Variants in PCP4 observed in about 807,000 individuals in gnomAD.
PCP4 encodes Purkinje cell protein 4.
In PCP4, 8 loss-of-function variants were observed where a neutral mutation model predicts 10.0. The observed-to-expected ratio is 0.80, with a 90% CI of 0.47 to 1.45. The LOEUF is 1.45. Ranked by LOEUF, PCP4 falls within the 40% of genes most tolerant of loss-of-function variation. The pLI, the probability that PCP4 is intolerant of heterozygous loss-of-function variation, is 0.00. For synonymous variants in PCP4, 21 were observed against 23.0 expected, an observed-to-expected ratio of 0.91 and a Z score of 0.24; for missense variants, 54 against 74.4, an observed-to-expected ratio of 0.73 and a Z score of 1.01.
chr21:39,908,703 C>T (rs576357039), intron 2 of PCP4, among the ~76,000 whole-genome samples: 2 of 152,086 alleles, frequency 1.3e-5, no homozygotes, highest in African/African-American at 4.8e-5. Context: ...TGGGAGTGCC[C>T]GCGGCTCCAG....
chr21:39,871,735 TG>T (rs949986616), intron 1 of PCP4, among the ~76,000 whole-genome samples: 2 of 152,212 alleles, frequency 1.3e-5, no homozygotes, highest in African/African-American at 2.4e-5. Flanking sequence ...GGCCGATGAT[TG>T]TTAAGAGTTG....
intron 1 of PCP4, among the ~76,000 whole-genome samples, chr21:39,885,084 C>A (rs1346435677): frequency 6.6e-6 from 1 of 152,158 alleles, no homozygotes; most frequent in Non-Finnish European, 1.5e-5. Flanking sequence ...CAAAATGACA[C>A]CAGAGTGACC....
intron 1 of PCP4, among the ~76,000 whole-genome samples, chr21:39,882,329 T>A (rs1233562064): frequency 6.6e-6 from 1 of 152,192 alleles, no homozygotes; most frequent in East Asian, 1.9e-4. Context: ...TCAGGATGGA[T>A]GACTGCTTAG....
At chr21:39,879,701 A>C (rs986862941) in intron 1 of PCP4, among the ~76,000 whole-genome samples, 1 of 152,220 alleles carries the variant, frequency 6.6e-6, no homozygotes, top group Non-Finnish European at 1.5e-5. Context: ...AAGTGAGTCC[A>C]GTTAAAAACA....
chr21:39,879,172 A>G (rs2087359974), intron 1 of PCP4, among the ~76,000 whole-genome samples: 1 of 152,038 alleles, frequency 6.6e-6, no homozygotes. Context: ...TAATTTTAGT[A>G]GAGATGGGGT....
chr21:39,913,573 C>T (rs2087551658), intron 2 of PCP4, among the ~76,000 whole-genome samples: 1 of 152,200 alleles, frequency 6.6e-6, no homozygotes, highest in Non-Finnish European at 1.5e-5. Flanking sequence ...TTCTGCTCTG[C>T]CATTTTCTTG....
Position 39,906,297 on chromosome 21 carries a change from C to G in PCP4, c.61+7770C>G, listed in dbSNP as rs1487427583. Among the ~76,000 whole-genome samples the G allele has an allele frequency of 1.3e-5, 2 of 152,202 alleles. No homozygotes were observed. Among genetic ancestry groups the G allele is most frequent in the Admixed American group, 6.5e-5 (1 of 15,286 alleles). ...ATGGGCAACTTGGATGGGCTGTGGT[C>G]TAAGCCCCTGGAACAGAATAAAGTT... On this transcript the variant is annotated intron_variant, in intron 2 of 2. Coordinates refer to ENST00000328619, the MANE Select transcript of PCP4 (RefSeq NM_006198.3). This position sits in a 1 kb window ranked among gnomAD's most constrained non-coding sequence, Gnocchi z 6.3.
intron 1 of PCP4, among the ~76,000 whole-genome samples, chr21:39,887,153 G>A (rs2087404166): frequency 6.6e-6 from 1 of 152,108 alleles, no homozygotes; most frequent in South Asian, 2.1e-4. Flanking sequence ...TGCCTAAACT[G>A]CAGTGATGCT....
chr21:39,897,286 G>T (rs996820568), intron 1 of PCP4, among the ~76,000 whole-genome samples: 4 of 151,658 alleles, frequency 2.6e-5, no homozygotes, highest in Admixed American at 2.6e-4. Flanking sequence ...TACTCTGTAG[G>T]CTGAGGTAGG....
At chr21:39,916,286 A>G (rs929117397) in intron 2 of PCP4, 2 of 152,192 alleles carry the variant, frequency 1.3e-5, no homozygotes, top group Non-Finnish European at 2.9e-5. Flanking sequence ...ATAAACTAAA[A>G]TCTTGCAATC....
chr21:39,879,709 ACACAT>A (rs1310892633), intron 1 of PCP4, among the ~76,000 whole-genome samples: 3 of 152,144 alleles, frequency 2.0e-5, no homozygotes, highest in Non-Finnish European at 2.9e-5. Context: ...CCAGTTAAAA[ACACAT>A]CATGGTTCTG....
chr21:39,880,136 ATATC>A (rs1332334940), intron 1 of PCP4, among the ~76,000 whole-genome samples: 4 of 66,162 alleles, frequency 6.0e-5, no homozygotes, highest in East Asian at 3.5e-4. Context: ...ATCTGTATCT[ATATC>A]TATATCTATA....
At chr21:39,916,543 A>G (rs2087569293) in intron 2 of PCP4, among the ~76,000 whole-genome samples, 1 of 152,216 alleles carries the variant, frequency 6.6e-6, no homozygotes, top group South Asian at 2.1e-4. Flanking sequence ...ACCATTGTGG[A>G]AGACAGTGTG....
At chr21:39,899,783 A>C (rs935413822) in intron 2 of PCP4, among the ~76,000 whole-genome samples, 1 of 152,012 alleles carries the variant, frequency 6.6e-6, no homozygotes, top group African/African-American at 2.4e-5. Context: ...GGGTACTGGC[A>C]AGGAAGGCAG....
At chr21:39,884,010 G>A (rs1240525297) in intron 1 of PCP4, among the ~76,000 whole-genome samples, 1 of 152,156 alleles carries the variant, frequency 6.6e-6, no homozygotes. Context: ...GAGAAGTTAA[G>A]TGACCTGAAC....
chr21:39,904,968 A>G (rs2087499398), intron 2 of PCP4, among the ~76,000 whole-genome samples: 1 of 152,256 alleles, frequency 6.6e-6, no homozygotes, highest in African/African-American at 2.4e-5. Context: ...TAACTTTCAC[A>G]GACAGCACTG....
Position 39,898,512 on chromosome 21 carries a change from A to T in PCP4, c.46A>T (p.Thr16Ser). 6.2e-7 allele frequency: 1 copy of T among 1,614,050 alleles called. No homozygotes were observed. Among genetic ancestry groups the T allele is most frequent in the Non-Finnish European group, 8.5e-7 (1 of 1,179,884 alleles). Residue 16 changes from threonine (T) to serine (S), a missense_variant, in exon 2 of 3, where the codon ACA (threonine) becomes TCA (serine). Transcript: ENST00000328619. ...TGGGGCAACCAATGGAAAAGACAAG[A>T]CATCTGGTGAAAATGGTAAGAGGAC... is the stretch of plus-strand genomic sequence containing the variant. ...GAGATNGKDK[T>S]SGENDGQKKV... is the part of the protein sequence containing the mutation.
At chr21:39,876,135 T>C (rs2087344514) in intron 1 of PCP4, among the ~76,000 whole-genome samples, 1 of 150,772 alleles carries the variant, frequency 6.6e-6, no homozygotes, top group South Asian at 2.1e-4. Context: ...ATAATATATA[T>C]ATGATTTACT....
chr21:39,924,457 A>G (rs991282369), intron 2 of PCP4, among the ~76,000 whole-genome samples: 1 of 152,168 alleles, frequency 6.6e-6, no homozygotes, highest in Non-Finnish European at 1.5e-5. Flanking sequence ...TGCGGAGAGT[A>G]TCTAGGTGTG....
Sources: allele counts gnomAD v4.1 joint callset (sites outside exome capture counted in the v4.1 genomes callset), GRCh38; gene constraint gnomAD v4.1.1; non-coding constraint Gnocchi (gnomAD v3.1); transcripts MANE v1.5; gene names NCBI Gene and HGNC (gene_info 2026-07-23, HGNC 2026-07-21).